Variants in TMEM201 observed in about 807,000 individuals in gnomAD.
The protein encoded by TMEM201 is RP13-15M17.2.
In TMEM201, 26 loss-of-function variants were observed where a neutral mutation model predicts 63.4. The ratio of observed to expected loss-of-function variants is 0.41; its 90% CI spans 0.30 to 0.57. The LOEUF (loss-of-function observed/expected upper bound fraction) is 0.57, where lower values mean the gene tolerates loss of function less well. TMEM201 is among the 20% of genes least tolerant of loss of function. The pLI, the probability that TMEM201 is intolerant of heterozygous loss-of-function variation, is 0.29. For synonymous variants in TMEM201, 417 were observed against 421.6 expected (o/e 0.99, Z 0.14); for missense variants, 794 against 917.7 (o/e 0.87, Z 1.74).
At chr1:9,606,795 C>T (rs1013226980) in intron 6 of TMEM201, among the ~76,000 whole-genome samples, 11 of 152,226 alleles carry the variant, frequency 7.2e-5, no homozygotes, top group African/African-American at 2.7e-4. Context: ...TGTACCATCT[C>T]GAGTTAAAGA....
chr1:9,600,834 C>T (rs755878815), intron 4 of TMEM201, among the ~76,000 whole-genome samples: 2 of 152,116 alleles, frequency 1.3e-5, no homozygotes, highest in African/African-American at 4.8e-5. Context: ...GCAGGAGAAT[C>T]GCTTAAACCC....
chr1:9,609,556 T>A (rs1644292410), intron 7 of TMEM201, among the ~76,000 whole-genome samples: 1 of 152,124 alleles, frequency 6.6e-6, no homozygotes. Context: ...TCAAGTTTCT[T>A]CCTGACCTCG....
In TMEM201 at chr1:9,601,403, C is replaced by T; in HGVS notation, c.905C>T (p.Ala302Val). 6.2e-7 allele frequency: 1 copy of T among 1,600,836 alleles called. No homozygotes were observed. The change falls in exon 5 of 11, where the codon GCA becomes GTA. Residue 302 changes from alanine (A) to valine (V), a missense_variant. Transcript: ENST00000340381. ...CAGAGCCACCAGACGGGCGTCGTGG[C>T]ACTGGGCCTACTCACCTGCCTGCTG... ...FGQSHQTGVVALGLLTCLLAM... is the reference protein window; with the variant it reads ...FGQSHQTGVVVLGLLTCLLAM...
At position 9,613,109 on chromosome 1, in the gene TMEM201, GA is replaced by G; in HGVS notation, c.*27del. 1 of 1,546,708 alleles carries G rather than the reference GA, an allele frequency of 6.5e-7. No homozygotes were observed. The highest frequency in any genetic ancestry group is 8.7e-7 in the Non-Finnish European group (1 of 1,145,430). On this transcript the variant is annotated 3_prime_UTR_variant, in exon 11 of 11. Coordinates refer to ENST00000340381, the MANE Select transcript of TMEM201 (RefSeq NM_001130924.3). ...CCCACCGTTGGAGCCCCTCGGAGGG[GA>G]GCAACCCGGTGCCTGCTGCTTCACC...
At chr1:9,601,499 G>A in intron 5 of TMEM201, 45 bp downstream of exon 5, 1 of 1,532,450 alleles carries the variant, frequency 6.5e-7, no homozygotes, top group Non-Finnish European at 8.8e-7. Flanking sequence ...AGGGGACTGT[G>A]TGCTGGATTA....
chr1:9,592,426 G>T (rs936055686), intron 1 of TMEM201, among the ~76,000 whole-genome samples: 3 of 152,188 alleles, frequency 2.0e-5, no homozygotes, highest in Non-Finnish European at 4.4e-5. Flanking sequence ...ATTTCCCAGG[G>T]CTGGGCAGAG....
In TMEM201 at chr1:9,613,119, G is replaced by T; in HGVS notation, c.*36G>T. 1 of 1,542,668 alleles carries T rather than the reference G, an allele frequency of 6.5e-7. No individual in the cohort carries two copies. The highest frequency in any genetic ancestry group is 1.4e-5 in the African/African-American group (1 of 73,074). ...GAGCCCCTCGGAGGGGAGCAACCCG[G>T]TGCCTGCTGCTTCACCACTGCCGGC... On this transcript the variant is annotated 3_prime_UTR_variant, in exon 11 of 11. Coordinates refer to ENST00000340381, the MANE Select transcript of TMEM201 (RefSeq NM_001130924.3).
rs905090582 is a variant in TMEM201 at position 9,608,476 on chromosome 1, G to A, written c.1393+687G>A. 6.6e-6 allele frequency among the ~76,000 whole-genome samples: 1 copy of A among 152,184 alleles called. No homozygotes were observed. The highest frequency in any genetic ancestry group is 1.5e-5 in the Non-Finnish European group (1 of 68,026). ...CTCCTCTCGTGCAGTTACAGGGCAG[G>A]CCATTTTGTACACACGCCAAGGTTT... On this transcript the variant is annotated intron_variant, in intron 7 of 10. Coordinates refer to ENST00000340381, the MANE Select transcript of TMEM201 (RefSeq NM_001130924.3). The surrounding 1 kb of genome is among the most constrained non-coding windows in gnomAD (Gnocchi z 4.3).
chr1:9,596,613 G>A (rs984097982), intron 2 of TMEM201, among the ~76,000 whole-genome samples: 6 of 152,254 alleles, frequency 3.9e-5, no homozygotes, highest in Non-Finnish European at 5.9e-5. Flanking sequence ...GTGTGGGTGG[G>A]CGGCGGGCTG....
intron 6 of TMEM201, 74 bp downstream of exon 6, chr1:9,602,346 G>T: frequency 6.4e-7 from 1 of 1,563,910 alleles, no homozygotes; most frequent in East Asian, 2.3e-5. Flanking sequence ...GGTCCGAAGC[G>T]GGCCCCTCTC....
intron 2 of TMEM201, among the ~76,000 whole-genome samples, chr1:9,596,298 C>A (rs905836938): frequency 2.6e-5 from 4 of 152,212 alleles, no homozygotes; most frequent in African/African-American, 9.6e-5. Context: ...GGGTTCACAC[C>A]CAGGTCTTTC....
At position 9,601,162 on chromosome 1, in the gene TMEM201, T is replaced by C. The variant is rs763102045; in HGVS notation, c.664T>C (p.Phe222Leu). 2.0e-4 allele frequency: 320 copies of C among 1,609,692 alleles called. No individual in the cohort carries two copies. Among genetic ancestry groups the C allele is most frequent in the Middle Eastern group, 9.9e-4 (6 of 6,040 alleles). ...VQVILLRALA[F>L]LACAFLLTTA... is the part of the protein sequence containing the mutation. ...GGTCATCCTGCTCCGTGCCCTCGCC[T>C]TCCTGGCCTGCGCCTTCCTACTGAC... is the stretch of plus-strand genomic sequence containing the variant. The change falls in exon 5 of 11, where the codon TTC (phenylalanine) becomes CTC (leucine). Residue 222 changes from phenylalanine (F) to leucine (L), a missense_variant. Coordinates refer to ENST00000340381, the MANE Select transcript of TMEM201 (RefSeq NM_001130924.3).
Position 9,613,103 on chromosome 1 carries a change from G to A in TMEM201, c.*20G>A, listed in dbSNP as rs1018192844. 49 of 1,548,536 alleles carry A rather than the reference G, an allele frequency of 3.2e-5. No individual in the cohort carries two copies. The highest frequency in any genetic ancestry group is 1.7e-4 in the Middle Eastern group (1 of 6,010). On this transcript the variant is annotated 3_prime_UTR_variant, in exon 11 of 11. Coordinates refer to ENST00000340381, the MANE Select transcript of TMEM201 (RefSeq NM_001130924.3). Reference sequence around the variant, plus strand: ...CGCTGACCCACCGTTGGAGCCCCTCGGAGGGGAGCAACCCGGTGCCTGCTG... The same window carrying A: ...CGCTGACCCACCGTTGGAGCCCCTCAGAGGGGAGCAACCCGGTGCCTGCTG...
Position 9,607,609 on chromosome 1 carries a change from A to G in TMEM201, c.1213A>G (p.Ile405Val). The G allele has an allele frequency of 6.4e-7, 1 of 1,551,508 alleles. No individual in the cohort carries two copies. The highest frequency in any genetic ancestry group is 8.7e-7 in the Non-Finnish European group (1 of 1,146,960). ...GLFPTSPSLA[I>V]PHPSVGGSPA... ...TTTCCCCACCAGCCCCAGCTTGGCCATCCCTCACCCGAGTGTCGGAGGCTC... is the reference window on the plus strand; with the variant it reads ...TTTCCCCACCAGCCCCAGCTTGGCCGTCCCTCACCCGAGTGTCGGAGGCTC... The change falls in exon 7 of 11, where the codon ATC becomes GTC. Residue 405 changes from isoleucine (I) to valine (V), a missense_variant. By Grantham distance (29) the Ile-to-Val change is conservative. Transcript: ENST00000340381. This position sits in a 1 kb window ranked among gnomAD's most constrained non-coding sequence, Gnocchi z 5.4.
rs779277239 is a variant in TMEM201, at chr1:9,601,140, C to T, written c.642C>T (p.Val214=). 3.1e-6 allele frequency: 5 copies of T among 1,600,998 alleles called. No homozygotes were observed. The highest frequency in any genetic ancestry group is 4.3e-6 in the Non-Finnish European group (5 of 1,169,734). Reference sequence around the variant, plus strand: ...CCGCCGTGAAGTCCCCGGTCCAGGTCATCCTGCTCCGTGCCCTCGCCTTCC... The same window carrying T: ...CCGCCGTGAAGTCCCCGGTCCAGGTTATCCTGCTCCGTGCCCTCGCCTTCC... The part of the protein sequence containing the change: ...FSSAVKSPVQ[V]ILLRALAFLA... The change falls in exon 5 of 11, where the codon GTC becomes GTT. Residue 214 remains valine, a synonymous_variant. Coordinates refer to ENST00000340381, the MANE Select transcript of TMEM201 (RefSeq NM_001130924.3).
Position 9,603,491 on chromosome 1 carries a change from T to A in TMEM201, c.1160+1219T>A. The stretch of plus-strand genomic sequence containing the variant: ...ATGTTCCCTCTGGCTGCCCACTCCC[T>A]CAGGGCCCACATGTCCTGCCACTCG... On this transcript the variant is annotated intron_variant, in intron 6 of 10. Coordinates refer to ENST00000340381, the MANE Select transcript of TMEM201 (RefSeq NM_001130924.3). The surrounding 1 kb of genome is among the most constrained non-coding windows in gnomAD (Gnocchi z 4.5). 1 of 985,408 alleles carries A rather than the reference T, an allele frequency of 1.0e-6. No individual in the cohort carries two copies. The highest frequency in any genetic ancestry group is 1.2e-6 in the Non-Finnish European group (1 of 829,948). 61.0% of individuals were successfully genotyped at this position (985,408 alleles called of 1,614,324 possible).
chr1:9,602,564 T>G, intron 6 of TMEM201: 1 of 1,327,686 alleles, frequency 7.5e-7, no homozygotes, highest in Non-Finnish European at 9.7e-7. Flanking sequence ...GTGACTGGAA[T>G]GTGGGCAGCG....
intron 4 of TMEM201, among the ~76,000 whole-genome samples, chr1:9,599,829 A>C (rs1644102042): frequency 6.6e-6 from 1 of 151,372 alleles, no homozygotes; most frequent in African/African-American, 2.4e-5. Flanking sequence ...CAATCTCCTG[A>C]GCTCGTGATC....
intron 1 of TMEM201, among the ~76,000 whole-genome samples, chr1:9,593,871 C>T (rs187184150): frequency 3.9e-5 from 6 of 152,340 alleles, no homozygotes; most frequent in East Asian, 1.9e-4. Flanking sequence ...CATCAGGACA[C>T]GCCCCCATGC....
Sources: allele counts gnomAD v4.1 joint callset (sites outside exome capture counted in the v4.1 genomes callset), GRCh38; gene constraint gnomAD v4.1.1; non-coding constraint Gnocchi (gnomAD v3.1); transcripts MANE v1.5; gene names NCBI Gene and HGNC (gene_info 2026-07-23, HGNC 2026-07-21).